The following SLC41A2 variants were observed in gnomAD, a reference collection of about 807,000 sequenced individuals.
SLC41A2 encodes the protein solute carrier family 41 member 2.
Under a neutral mutation model 58.3 loss-of-function variants are expected in SLC41A2, and 32 were observed. The observed-to-expected ratio is 0.55, with a 90% CI of 0.41 to 0.74. The LOEUF (loss-of-function observed/expected upper bound fraction) is 0.74, where lower values mean the gene tolerates loss of function less well. Ranked by LOEUF, SLC41A2 falls within the 30% of genes least tolerant of loss-of-function variation. The pLI is 0.00. For synonymous variants in SLC41A2, 190 were observed against 235.0 expected (o/e 0.81, Z 1.75); for missense variants, 514 against 680.6 (o/e 0.76, Z 2.72).
intron 5 of SLC41A2, among the ~76,000 whole-genome samples, chr12:104,887,021 T>C (rs529969855): frequency 6.6e-6 from 1 of 152,186 alleles, no homozygotes; most frequent in East Asian, 1.9e-4. Flanking sequence ...CTGAAGTTTC[T>C]GTCTATAAAC....
chr12:104,808,611 T>A (rs1213631155), intron 10 of SLC41A2, among the ~76,000 whole-genome samples: 1 of 152,236 alleles, frequency 6.6e-6, no homozygotes, highest in African/African-American at 2.4e-5. Flanking sequence ...TCCCTCTTTT[T>A]CTATTGATTG....
intron 10 of SLC41A2, among the ~76,000 whole-genome samples, chr12:104,812,292 G>A (rs1445801990): frequency 6.6e-6 from 1 of 152,204 alleles, no homozygotes; most frequent in Non-Finnish European, 1.5e-5. Flanking sequence ...AGACAGAGAT[G>A]TGATGTGAAT....
chr12:104,804,997 T>G lies in SLC41A2; in HGVS notation c.*155A>C. On this transcript the variant is annotated 3_prime_UTR_variant, in exon 11 of 11. Transcript: ENST00000258538. Reference sequence around the variant, plus strand: ...TCATTCTGGTTTTGACACAAATTCCTTAAAAAAAAATTAAGGCCATTTAAT... The same window carrying G: ...TCATTCTGGTTTTGACACAAATTCCGTAAAAAAAAATTAAGGCCATTTAAT... 1.7e-6 allele frequency: 1 copy of G among 589,844 alleles called. No individual in the cohort carries two copies. 36.5% of individuals were successfully genotyped at this position (589,844 alleles called of 1,614,324 possible).
intron 8 of SLC41A2, among the ~76,000 whole-genome samples, chr12:104,856,286 G>A (rs184442385): frequency 2.6e-3 from 396 of 152,278 alleles, no homozygotes; most frequent in Middle Eastern, 6.8e-3. Flanking sequence ...TCAGAGAAGC[G>A]ATGAGAATGG....
chr12:104,939,867 CAG>C (rs1201717273), intron 1 of SLC41A2, among the ~76,000 whole-genome samples: 6 of 152,176 alleles, frequency 3.9e-5, no homozygotes, highest in Admixed American at 1.3e-4. Flanking sequence ...ACAGTACTAT[CAG>C]ACACACATAC....
intron 6 of SLC41A2, among the ~76,000 whole-genome samples, chr12:104,871,946 G>A (rs77503241): frequency 0.012 from 1,891 of 152,270 alleles, 51 homozygotes; most frequent in African/African-American, 0.044. Context: ...TGTCAATTAA[G>A]TGTTATAGGA....
At chr12:104,949,790 T>C (rs1353190912) in intron 1 of SLC41A2, among the ~76,000 whole-genome samples, 1 of 151,990 alleles carries the variant, frequency 6.6e-6, no homozygotes, top group Non-Finnish European at 1.5e-5. Flanking sequence ...TCCACGTTGG[T>C]CAGGCTGGCC....
intron 6 of SLC41A2, among the ~76,000 whole-genome samples, chr12:104,880,370 G>C (rs1380632777): frequency 6.6e-6 from 1 of 152,186 alleles, no homozygotes; most frequent in Admixed American, 6.5e-5. Context: ...GGAGTGGTGA[G>C]AGAGGGCATC....
At chr12:104,892,036 A>G (rs2045002522) in intron 4 of SLC41A2, among the ~76,000 whole-genome samples, 1 of 152,182 alleles carries the variant, frequency 6.6e-6, no homozygotes, top group African/African-American at 2.4e-5. Context: ...GCAGTGGCTC[A>G]CACCTGTAAT....
chr12:104,859,622 T>C (rs774691849), intron 8 of SLC41A2, among the ~76,000 whole-genome samples: 4 of 152,208 alleles, frequency 2.6e-5, no homozygotes, highest in Non-Finnish European at 5.9e-5. Context: ...AATTTGTTCA[T>C]TGATATTCTA....
chr12:104,865,147 T>TC (rs1356430261), intron 7 of SLC41A2, among the ~76,000 whole-genome samples: 2 of 152,128 alleles, frequency 1.3e-5, no homozygotes, highest in African/African-American at 4.8e-5. Context: ...GCTGGTAAGT[T>TC]CCCCCACAAA....
At chr12:104,831,117 GT>G (rs2042019877) in intron 10 of SLC41A2, among the ~76,000 whole-genome samples, 1 of 151,904 alleles carries the variant, frequency 6.6e-6, no homozygotes, top group African/African-American at 2.4e-5. Context: ...GTTGACCAGG[GT>G]GGTCTTGAAC....
At chr12:104,895,499 C>T (rs968408237) in intron 3 of SLC41A2, among the ~76,000 whole-genome samples, 154 bp from the exon 4 acceptor site, 2 of 152,150 alleles carry the variant, frequency 1.3e-5, no homozygotes, top group African/African-American at 4.8e-5. Context: ...AATTCACTAC[C>T]AGTCTTTCAG....
rs775288356 is a variant in SLC41A2, at chr12:104,909,809, A to T, written c.556-47T>A. The T allele has an allele frequency of 3.9e-6, 5 of 1,286,364 alleles. No individual in the cohort carries two copies. The African/African-American group carries it at 7.6e-5, about 20-fold the overall frequency. The allele number at this position is 1,286,364 out of a possible 1,614,324, so 79.7% of individuals were successfully genotyped here. On this transcript the variant is annotated intron_variant, in intron 2 of 10. Coordinates refer to ENST00000258538, the MANE Select transcript of SLC41A2 (RefSeq NM_001352171.3). Reference sequence around the variant, plus strand: ...AAAATTTTCTGGCACTCTTTAAAAAATACTTTAGAACAAAGACATTTCTAA... The same window carrying T: ...AAAATTTTCTGGCACTCTTTAAAAATTACTTTAGAACAAAGACATTTCTAA...
At chr12:104,919,701 A>C (rs2046501844) in intron 2 of SLC41A2, among the ~76,000 whole-genome samples, 1 of 151,866 alleles carries the variant, frequency 6.6e-6, no homozygotes, top group South Asian at 2.1e-4. Context: ...TTAACTGTTG[A>C]GATTTAAGAG....
chr12:104,855,527 A>G (rs1414523203), intron 8 of SLC41A2, among the ~76,000 whole-genome samples: 1 of 152,216 alleles, frequency 6.6e-6, no homozygotes, highest in Non-Finnish European at 1.5e-5. Flanking sequence ...AGTTTCTGAG[A>G]TTCATCCTTG....
At position 104,928,600 on chromosome 12, in the gene SLC41A2, C is replaced by T; in HGVS notation, c.-73G>A. The T allele has an allele frequency of 1.2e-6, 1 of 865,770 alleles. No homozygotes were observed. The highest frequency in any genetic ancestry group is 1.6e-6 in the Non-Finnish European group (1 of 616,158). The allele number at this position is 865,770 out of a possible 1,614,324, so 53.6% of individuals were successfully genotyped here. ...AACCACAGCAGATGAATCAGAACCG[C>T]ACAAACACTGGTTTAAATTAAGTTG... is the stretch of plus-strand genomic sequence containing the variant. On this transcript the variant is annotated 5_prime_UTR_variant, in exon 2 of 11. Transcript: ENST00000258538.
chr12:104,933,610 C>A (rs536492389), intron 1 of SLC41A2, among the ~76,000 whole-genome samples: 22 of 152,216 alleles, frequency 1.4e-4, no homozygotes, highest in African/African-American at 5.3e-4. Flanking sequence ...CAGCACAACT[C>A]ACAATTGCAA....
intron 3 of SLC41A2, among the ~76,000 whole-genome samples, chr12:104,904,879 A>C (rs1024562268): frequency 6.6e-6 from 1 of 152,154 alleles, no homozygotes; most frequent in Non-Finnish European, 1.5e-5. Flanking sequence ...AGCAGTAGCA[A>C]GATTTATTGC....
Sources: gnomAD v4.1 joint callset for allele counts (sites outside exome capture counted in the v4.1 genomes callset) on GRCh38, gnomAD v4.1.1 for gene constraint, MANE v1.5 for transcripts, NCBI Gene and HGNC (gene_info 2026-07-23, HGNC 2026-07-21) for gene names.